The following SIPA1L1 variants were observed in gnomAD, a reference collection of about 807,000 sequenced individuals.
SIPA1L1 encodes signal induced proliferation associated 1 like 1.
A neutral mutation model predicts 162.7 loss-of-function variants in SIPA1L1; 26 were observed. That is an observed-to-expected ratio of 0.16 (90% CI 0.12 to 0.22). The LOEUF is 0.22. Ranked by LOEUF, SIPA1L1 falls within the 10% of genes least tolerant of loss-of-function variation. The pLI is 1.00. For synonymous variants in SIPA1L1, 829 were observed against 837.4 expected (o/e 0.99, Z 0.17); for missense variants, 1,874 against 2,241.0 (o/e 0.84, Z 3.31).
chr14:71,709,672 C>T lies in SIPA1L1; in HGVS notation c.4208+8C>T, dbSNP rs1386709320. On this transcript the variant is annotated splice_region_variant and intron_variant, in intron 17 of 23. Transcript: ENST00000381232. The stretch of plus-strand genomic sequence containing the variant: ...TGCTGCTTCCCACACAAGGTAACCA[C>T]CCTTCCCCGCTGTCTGATTCCCAGC... 1 of 1,602,408 alleles carries T rather than the reference C, an allele frequency of 6.2e-7. No individual in the cohort carries two copies. The highest frequency in any genetic ancestry group is 1.3e-5 in the African/African-American group (1 of 74,730).
At chr14:71,347,799 A>G (rs564105673) in intron 2 of SIPA1L1, among the ~76,000 whole-genome samples, 1 of 152,128 alleles carries the variant, frequency 6.6e-6, no homozygotes, top group Admixed American at 6.5e-5. Context: ...ATCTTTGGAG[A>G]AATGTCTGTT....
chr14:71,508,758 G>T (rs1434018614), intron 2 of SIPA1L1, among the ~76,000 whole-genome samples: 3 of 152,122 alleles, frequency 2.0e-5, no homozygotes, highest in African/African-American at 7.2e-5. Context: ...TTTTTTGTAT[G>T]AATTTTTTTT....
At chr14:71,477,278 C>A (rs1255243744) in intron 2 of SIPA1L1, among the ~76,000 whole-genome samples, 2 of 152,022 alleles carry the variant, frequency 1.3e-5, no homozygotes, top group Non-Finnish European at 2.9e-5. Flanking sequence ...CAAAAAAGTT[C>A]TTTTATGTTA....
intron 2 of SIPA1L1, among the ~76,000 whole-genome samples, chr14:71,462,190 C>CA (rs1296509374): frequency 2.0e-5 from 3 of 152,176 alleles, no homozygotes; most frequent in African/African-American, 7.2e-5. Flanking sequence ...CAGTAACAGA[C>CA]AAAGAGCTGT....
chr14:71,574,163 G>A, intron 4 of SIPA1L1: 1 of 184,196 alleles, frequency 5.4e-6, no homozygotes, highest in Non-Finnish European at 1.2e-5. Context: ...AATAAGGTGG[G>A]GTAGGGGTGG....
chr14:71,540,060 G>A (rs536141754), intron 4 of SIPA1L1, among the ~76,000 whole-genome samples: 1 of 152,302 alleles, frequency 6.6e-6, no homozygotes, highest in African/African-American at 2.4e-5. Context: ...ATGCTCTCTC[G>A]CATTTTATAG....
At chr14:71,597,120 T>C (rs1331487681) in intron 5 of SIPA1L1, among the ~76,000 whole-genome samples, 1 of 151,768 alleles carries the variant, frequency 6.6e-6, no homozygotes, top group East Asian at 1.9e-4. Context: ...CAAGCGTGCA[T>C]CATCACGCCT....
At chr14:71,610,693 A>G (rs1400555750) in intron 5 of SIPA1L1, among the ~76,000 whole-genome samples, 1 of 152,160 alleles carries the variant, frequency 6.6e-6, no homozygotes, top group Non-Finnish European at 1.5e-5. Flanking sequence ...CTTTTGTTTT[A>G]AATAGGGTTT....
chr14:71,334,056 G>T (rs565881106), intron 2 of SIPA1L1, among the ~76,000 whole-genome samples: 1 of 152,306 alleles, frequency 6.6e-6, no homozygotes, highest in East Asian at 1.9e-4. Flanking sequence ...AAATGGAGAT[G>T]CCTAGAGGAG....
At chr14:71,417,468 T>C (rs1238916892) in intron 2 of SIPA1L1, among the ~76,000 whole-genome samples, 1 of 3,376 alleles carries the variant, frequency 3.0e-4, no homozygotes, top group Non-Finnish European at 6.0e-4. Context: ...AGACTCCGTC[T>C]CAAAAAAAAA....
rs566622636 is a variant in SIPA1L1, at chr14:71,395,524, G to A, written c.-465+74343G>A. Among the ~76,000 whole-genome samples the A allele has an allele frequency of 1.1e-4, 16 of 152,256 alleles. No individual in the cohort carries two copies. The East Asian group carries it at 1.2e-3, about 11-fold the overall frequency. Reference sequence around the variant, plus strand: ...AAAAATAAAAAACAATTAGCTGGGCGCAGTAGGACTTGCCTGTAGTCCCAG... The same window carrying A: ...AAAAATAAAAAACAATTAGCTGGGCACAGTAGGACTTGCCTGTAGTCCCAG... On this transcript the variant is annotated intron_variant, in intron 2 of 23. Transcript: ENST00000381232.
At chr14:71,577,751 T>TG (rs2033307268) in intron 4 of SIPA1L1, among the ~76,000 whole-genome samples, 1 of 147,814 alleles carries the variant, frequency 6.8e-6, no homozygotes, top group Non-Finnish European at 1.5e-5. Context: ...TTTTTTTTTT[T>TG]GAAACGGTCT....
In SIPA1L1 at chr14:71,626,972, C is replaced by CT. The variant is rs1281865154; in HGVS notation, c.1818+2737dup. 3.3e-5 allele frequency among the ~76,000 whole-genome samples: 5 copies of CT among 151,892 alleles called. No individual in the cohort carries two copies. The East Asian group carries it at 9.6e-4, about 29-fold the overall frequency. On this transcript the variant is annotated intron_variant, in intron 7 of 23. Coordinates refer to ENST00000381232, the MANE Select transcript of SIPA1L1 (RefSeq NM_001386936.1). ...ATAAAAGAAAGCACTGCACAAAAAT[C>CT]TAATAATTTTTTTATTTAACTTGAC...
intron 2 of SIPA1L1, among the ~76,000 whole-genome samples, chr14:71,484,658 C>T (rs2048609532): frequency 6.6e-6 from 1 of 152,136 alleles, no homozygotes; most frequent in Non-Finnish European, 1.5e-5. Context: ...GGACGTGATA[C>T]TCATTTTGCT....
Position 71,377,240 on chromosome 14 carries a change from G to T in SIPA1L1, c.-465+56059G>T, listed in dbSNP as rs1240118024. Among the ~76,000 whole-genome samples the T allele has an allele frequency of 1.3e-5, 2 of 148,848 alleles. No individual in the cohort carries two copies. Among genetic ancestry groups the T allele is most frequent in the Non-Finnish European group, 3.0e-5 (2 of 66,878 alleles). Reference sequence around the variant, plus strand: ...GATGGGGTGGCGGCTGGGCGGGGGTGCCCCCCCACCTCCCAGACGGGGCGG... The same window carrying T: ...GATGGGGTGGCGGCTGGGCGGGGGTTCCCCCCCACCTCCCAGACGGGGCGG... On this transcript the variant is annotated intron_variant, in intron 2 of 23. Coordinates refer to ENST00000381232, the MANE Select transcript of SIPA1L1 (RefSeq NM_001386936.1). This position sits in a 1 kb window ranked among gnomAD's most constrained non-coding sequence, Gnocchi z 4.8.
chr14:71,727,463 T>C (rs1342310939), intron 19 of SIPA1L1, among the ~76,000 whole-genome samples: 1 of 150,608 alleles, frequency 6.6e-6, no homozygotes, highest in Non-Finnish European at 1.5e-5. Flanking sequence ...AAATCACACA[T>C]GGAACCCCAT....
intron 7 of SIPA1L1, among the ~76,000 whole-genome samples, chr14:71,642,428 G>T (rs939261546): frequency 5.9e-5 from 9 of 152,258 alleles, no homozygotes; most frequent in Non-Finnish European, 1.2e-4. Context: ...AACCAGACTG[G>T]AAAACTTCAT....
chr14:71,616,495 G>T (rs1399291550), intron 5 of SIPA1L1, among the ~76,000 whole-genome samples: 1 of 144,370 alleles, frequency 6.9e-6, no homozygotes, highest in Non-Finnish European at 1.5e-5. Context: ...AGGATGATGG[G>T]AATTAGCAAG....
At chr14:71,353,789 T>C (rs1037696207) in intron 2 of SIPA1L1, among the ~76,000 whole-genome samples, 1 of 152,108 alleles carries the variant, frequency 6.6e-6, no homozygotes, top group East Asian at 1.9e-4. Flanking sequence ...CTAGGTATTA[T>C]TTTAGTATTT....
Sources: gnomAD v4.1 joint callset for allele counts (sites outside exome capture counted in the v4.1 genomes callset) on GRCh38, gnomAD v4.1.1 for gene constraint, Gnocchi (gnomAD v3.1) non-coding constraint, MANE v1.5 for transcripts, NCBI Gene and HGNC (gene_info 2026-07-23, HGNC 2026-07-21) for gene names.